The following HYCC1 variants were observed in gnomAD, a reference collection of about 807,000 sequenced individuals.
HYCC1 encodes hyccin PI4KA lipid kinase complex subunit 1.
chr7:22,960,802 C>A, the HYCC1 span, among the ~76,000 whole-genome samples: 1 of 152,184 alleles, frequency 6.6e-6, no homozygotes, highest in African/African-American at 2.4e-5. Context: ...GTAATCCCAG[C>A]ACTTTGGGAG....
chr7:22,961,164 G>C, the HYCC1 span: 4 of 914,144 alleles, frequency 4.4e-6, no homozygotes, highest in East Asian at 9.8e-5. Flanking sequence ...ACTATGAATG[G>C]CTCTCAATTT....
the HYCC1 span, among the ~76,000 whole-genome samples, chr7:22,966,397 T>A: frequency 6.6e-6 from 1 of 152,212 alleles, no homozygotes; most frequent in Non-Finnish European, 1.5e-5. Flanking sequence ...GTTCAAGCAA[T>A]TCTCCTGACT....
the HYCC1 span, among the ~76,000 whole-genome samples, chr7:22,903,966 T>C: frequency 5.3e-5 from 8 of 152,216 alleles, no homozygotes; most frequent in Non-Finnish European, 7.3e-5. Flanking sequence ...AATTTTCCTA[T>C]ATTCCCTAAC....
chr7:22,928,547 C>G, the HYCC1 span, among the ~76,000 whole-genome samples: 2 of 152,114 alleles, frequency 1.3e-5, no homozygotes, highest in African/African-American at 4.8e-5. Flanking sequence ...CAATAACAGA[C>G]AAACAGAGAG....
At chr7:22,898,332 G>A in the HYCC1 span, among the ~76,000 whole-genome samples, 1 of 151,774 alleles carries the variant, frequency 6.6e-6, no homozygotes, top group African/African-American at 2.4e-5. Context: ...TGCTCCCTCA[G>A]CCTCCTGAGT....
chr7:23,006,416 GCCA>G, the HYCC1 span, among the ~76,000 whole-genome samples: 2 of 152,012 alleles, frequency 1.3e-5, no homozygotes, highest in Non-Finnish European at 2.9e-5. Flanking sequence ...ACAGGCGCCT[GCCA>G]CCACACCTGG....
the HYCC1 span, among the ~76,000 whole-genome samples, chr7:22,897,393 C>T: frequency 6.6e-6 from 1 of 152,012 alleles, no homozygotes; most frequent in Admixed American, 6.6e-5. Context: ...TTGATTTTGT[C>T]AAGAGTGGAC....
the HYCC1 span, among the ~76,000 whole-genome samples, chr7:22,932,086 T>C: frequency 3.3e-4 from 50 of 152,208 alleles, no homozygotes; most frequent in Non-Finnish European, 6.2e-4. Context: ...CAAAAGTTTG[T>C]TGATGAGATA....
the HYCC1 span, chr7:22,935,192 AATGAGTGT>A: frequency 6.6e-6 from 1 of 152,208 alleles, no homozygotes; most frequent in African/African-American, 2.4e-5. Flanking sequence ...TGTTGTTCTC[AATGAGTGT>A]TGCTCTGCTA....
At chr7:22,923,995 G>GAA in the HYCC1 span, among the ~76,000 whole-genome samples, 680 of 114,484 alleles carry the variant, frequency 5.9e-3, 7 homozygotes, top group Middle Eastern at 0.018. Context: ...TGACTTTAAT[G>GAA]AAAAAAAAAA....
chr7:22,990,728 C>T, the HYCC1 span, among the ~76,000 whole-genome samples: 5 of 152,158 alleles, frequency 3.3e-5, no homozygotes, highest in Admixed American at 6.5e-5. Context: ...GTTCCACTGC[C>T]CTCCAAACTG....
chr7:22,938,054 T>C, the HYCC1 span: 1 of 152,226 alleles, frequency 6.6e-6, no homozygotes, highest in African/African-American at 2.4e-5. Flanking sequence ...ACAGCTTGGA[T>C]AAGACTGTAG....
the HYCC1 span, among the ~76,000 whole-genome samples, chr7:22,954,094 A>C: frequency 6.6e-6 from 1 of 151,600 alleles, no homozygotes; most frequent in African/African-American, 2.4e-5. Context: ...TAGCAACTTT[A>C]TTTCTCCTCA....
At chr7:22,899,124 G>A in the HYCC1 span, among the ~76,000 whole-genome samples, 10 of 152,212 alleles carry the variant, frequency 6.6e-5, no homozygotes, top group Non-Finnish European at 7.3e-5. Flanking sequence ...GGTTGGTGGG[G>A]AGGGGCATTT....
the HYCC1 span, among the ~76,000 whole-genome samples, chr7:23,002,590 T>C: frequency 6.6e-6 from 1 of 152,182 alleles, no homozygotes; most frequent in Non-Finnish European, 1.5e-5. Context: ...AAATAGTTAT[T>C]ACTTTCTTCA....
At chr7:22,986,163 C>T in the HYCC1 span, among the ~76,000 whole-genome samples, 1 of 152,088 alleles carries the variant, frequency 6.6e-6, no homozygotes, top group Admixed American at 6.5e-5. Context: ...AAAAAGACAG[C>T]TGTTTGTCTG....
At chr7:22,973,204 T>C in the HYCC1 span, among the ~76,000 whole-genome samples, 4 of 152,222 alleles carry the variant, frequency 2.6e-5, no homozygotes, top group Admixed American at 1.3e-4. Flanking sequence ...GTACTTTAAC[T>C]GGTATAACCA....
the HYCC1 span, among the ~76,000 whole-genome samples, chr7:22,997,152 C>T: frequency 1.3e-3 from 205 of 152,166 alleles, no homozygotes; most frequent in African/African-American, 4.7e-3. Context: ...CTTCAATTCC[C>T]ACATTATGTT....
the HYCC1 span, chr7:22,984,098 C>A: frequency 4.7e-6 from 5 of 1,060,088 alleles, no homozygotes; most frequent in African/African-American, 7.9e-5. Context: ...CCAGAATAGG[C>A]AAATCCATAG....
Sources: gnomAD v4.1 joint callset for allele counts (sites outside exome capture counted in the v4.1 genomes callset) on GRCh38, gnomAD v4.1.1 for gene constraint, MANE v1.5 for transcripts, NCBI Gene and HGNC (gene_info 2026-07-23, HGNC 2026-07-21) for gene names.